The following PARP4 variants were observed in gnomAD, a reference collection of about 807,000 sequenced individuals.
PARP4 encodes protein mono-ADP-ribosyltransferase PARP4.
PARP4 carries 120 observed loss-of-function variants against 187.7 expected under a neutral mutation model. That is an observed-to-expected ratio of 0.64 (90% CI 0.55 to 0.74). PARP4 has a LOEUF of 0.74. PARP4 is among the 30% of genes least tolerant of loss of function. The pLI is 0.00. For synonymous variants in PARP4, 654 were observed against 740.9 expected, an observed-to-expected ratio of 0.88 and a Z score of 1.90; for missense variants, 1,836 against 2,070.5, an observed-to-expected ratio of 0.89 and a Z score of 2.20.
intron 24 of PARP4, 65 bp downstream of exon 24, chr13:24,452,341 C>T (rs963236163): frequency 1.3e-5 from 17 of 1,345,108 alleles, no homozygotes; most frequent in Non-Finnish European, 1.8e-5. Flanking sequence ...GCCAAAGTCC[C>T]CTGCAGGGCA....
chr13:24,425,565 G>A (rs200389846), intron 33 of PARP4, among the ~76,000 whole-genome samples: 48,802 of 132,414 alleles, frequency 0.37, 8,381 homozygotes, highest in Non-Finnish European at 0.4. Context: ...GTGTGTGTGT[G>A]TGTGTATATC....
At position 24,499,323 on chromosome 13, in the gene PARP4, G is replaced by C; in HGVS notation, c.455C>G (p.Ala152Gly). ...IPHLPQDFEV[A>G]KYNTLEKVGM... ...TACTTTCTCCAAGGTGTTATATTTT[G>C]CAACTTCAAAATCTTGAGGAAGATG... Residue 152 changes from alanine to glycine, a missense_variant, in exon 5 of 34, where the codon GCA becomes GGA. Coordinates refer to ENST00000381989, the MANE Select transcript of PARP4 (RefSeq NM_006437.4). The C allele has an allele frequency of 2.7e-6, 4 of 1,487,540 alleles. No homozygotes were observed. The highest frequency in any genetic ancestry group is 3.6e-6 in the Non-Finnish European group (4 of 1,118,036). The allele number at this position is 1,487,540 out of a possible 1,614,324, so 92.1% of individuals were successfully genotyped here. A position where few individuals can be genotyped will look rare whatever the true frequency, so the allele number is the denominator to read the frequency against.
rs1244022328 is a variant in PARP4 at position 24,492,456 on chromosome 13, G to C, written c.1018C>G (p.Leu340Val). 6.2e-7 allele frequency: 1 copy of C among 1,613,872 alleles called. No homozygotes were observed. The highest frequency in any genetic ancestry group is 1.7e-5 in the Admixed American group (1 of 59,984). ...TCTGCTTTCTTAGCCAATAGTCCCAGGTTCACTTCTTTGGGCATTGTGCCT... is the reference window on the plus strand; with the variant it reads ...TCTGCTTTCTTAGCCAATAGTCCCACGTTCACTTCTTTGGGCATTGTGCCT... ...HKGTMPKEVN[L>V]GLLAKKADLC... Residue 340 changes from leucine to valine, a missense_variant, in exon 9 of 34, where the codon CTG (leucine) becomes GTG (valine). Physicochemically the swap from Leu to Val is conservative, Grantham distance 32 (BLOSUM62 1). Transcript: ENST00000381989.
At chr13:24,495,115 C>T (rs1321294229) in intron 6 of PARP4, among the ~76,000 whole-genome samples, 2 of 152,102 alleles carry the variant, frequency 1.3e-5, no homozygotes, top group African/African-American at 4.8e-5. Context: ...AAGAAATCCA[C>T]CCACCTCGGC....
intron 9 of PARP4, 117 bp downstream of exon 9, chr13:24,492,304 T>G: frequency 4.5e-6 from 3 of 663,432 alleles, no homozygotes; most frequent in Non-Finnish European, 7.3e-6. Context: ...ATTTATTTTC[T>G]AGTACAACTC....
chr13:24,507,661 C>T (rs1001775409), intron 1 of PARP4, among the ~76,000 whole-genome samples: 4 of 152,238 alleles, frequency 2.6e-5, no homozygotes, highest in Admixed American at 6.5e-5. Context: ...ACTCCTGTTG[C>T]GCCTGTGTTC....
At chr13:24,425,392 G>A (rs1175217531) in intron 33 of PARP4, among the ~76,000 whole-genome samples, 1 of 152,112 alleles carries the variant, frequency 6.6e-6, no homozygotes, top group Non-Finnish European at 1.5e-5. Context: ...AAGCACACTA[G>A]GAGAAACCTA....
At chr13:24,446,851 C>G (rs1353357579) in intron 26 of PARP4, 90 bp from the exon 27 acceptor site, 2 of 1,354,526 alleles carry the variant, frequency 1.5e-6, no homozygotes, top group Admixed American at 2.2e-5. Flanking sequence ...ATTTTCTCTC[C>G]CCTTTCAATA....
intron 12 of PARP4, among the ~76,000 whole-genome samples, chr13:24,483,337 T>A (rs1873377231): frequency 6.9e-6 from 1 of 145,800 alleles, no homozygotes; most frequent in South Asian, 2.3e-4. Context: ...ATACAAAAAA[T>A]TAGCCAGGCG....
intron 32 of PARP4, among the ~76,000 whole-genome samples, chr13:24,426,954 A>T (rs1870089963): frequency 6.6e-6 from 1 of 151,756 alleles, no homozygotes; most frequent in Non-Finnish European, 1.5e-5. Context: ...ACATGAGCAG[A>T]TCGTGAAACT....
At chr13:24,446,469 TAC>T (rs1033530002) in intron 27 of PARP4, among the ~76,000 whole-genome samples, 8 of 152,114 alleles carry the variant, frequency 5.3e-5, no homozygotes, top group African/African-American at 1.9e-4. Context: ...ACACATAAAA[TAC>T]ACTAACACTA....
intron 6 of PARP4, among the ~76,000 whole-genome samples, chr13:24,497,511 C>T (rs1395759792): frequency 6.6e-6 from 1 of 152,006 alleles, no homozygotes; most frequent in Admixed American, 6.6e-5. Flanking sequence ...TGCTATACAC[C>T]CTGCACCCAG....
intron 31 of PARP4, 71 bp downstream of exon 31, chr13:24,434,324 T>G: frequency 1.4e-6 from 2 of 1,428,968 alleles, no homozygotes; most frequent in Non-Finnish European, 1.9e-6. Flanking sequence ...CTTGACCAGC[T>G]GCTTTGAGGA....
chr13:24,430,959 C>T (rs2137436168), intron 32 of PARP4, among the ~76,000 whole-genome samples: 1 of 152,326 alleles, frequency 6.6e-6, no homozygotes, highest in South Asian at 2.1e-4. Context: ...CTTTGTTCTT[C>T]TCTCTTACCA....
chr13:24,504,332 G>GC (rs1352460496), intron 1 of PARP4, among the ~76,000 whole-genome samples: 1 of 85,028 alleles, frequency 1.2e-5, no homozygotes, highest in Admixed American at 1.3e-4. Context: ...TTTTTTTTTG[G>GC]AGACGGAATC....
intron 9 of PARP4, 89 bp downstream of exon 9, chr13:24,492,332 T>C (rs2275661): frequency 0.098 from 83,317 of 852,876 alleles, 5,635 homozygotes; most frequent in East Asian, 0.3. Context: ...AATTTCATGA[T>C]TCAGTGTTAC....
chr13:24,426,785 G>A (rs1459625981), intron 32 of PARP4, among the ~76,000 whole-genome samples, 187 bp from the exon 33 acceptor site: 4 of 150,906 alleles, frequency 2.7e-5, no homozygotes, highest in African/African-American at 4.9e-5. Flanking sequence ...CCAGCTACTC[G>A]GGAGGCTGAG....
At chr13:24,459,380 T>C (rs1216077748) in intron 18 of PARP4, 70 bp from the exon 19 acceptor site, 2 of 1,383,956 alleles carry the variant, frequency 1.4e-6, no homozygotes, top group Non-Finnish European at 2.0e-6. Context: ...AAAGTGAATG[T>C]AATCTTGGCA....
chr13:24,497,283 G>A (rs1869010104), intron 6 of PARP4, among the ~76,000 whole-genome samples: 1 of 152,132 alleles, frequency 6.6e-6, no homozygotes, highest in African/African-American at 2.4e-5. Flanking sequence ...ATATATTCAG[G>A]ATTGGAAATG....
Sources: gnomAD v4.1 joint callset for allele counts (sites outside exome capture counted in the v4.1 genomes callset) on GRCh38, gnomAD v4.1.1 for gene constraint, MANE v1.5 for transcripts, NCBI Gene and HGNC (gene_info 2026-07-23, HGNC 2026-07-21) for gene names.